Variants in AMPH observed in about 807,000 individuals in gnomAD.
AMPH encodes the protein amphiphysin.
AMPH carries 49 observed loss-of-function variants against 99.1 expected under a neutral mutation model. The observed-to-expected ratio is 0.49, with a 90% confidence interval of 0.39 to 0.63. The LOEUF is 0.63. AMPH is among the 20% of genes least tolerant of loss of function. The pLI is 0.00. For missense variants in AMPH, 759 were observed against 863.4 expected (o/e 0.88, Z 1.52); for synonymous variants, 314 against 317.3 (o/e 0.99, Z 0.11).
At position 38,556,763 on chromosome 7, in the gene AMPH, A is replaced by T. The variant is rs2129047624; in HGVS notation, c.70-21752T>A. 2.6e-5 allele frequency among the ~76,000 whole-genome samples: 4 copies of T among 152,254 alleles called. 1 individual carries two copies. The Middle Eastern group carries it at 0.01, about 388-fold the overall frequency. On this transcript the variant is annotated intron_variant, in intron 1 of 20. Coordinates refer to ENST00000356264, the MANE Select transcript of AMPH (RefSeq NM_001635.4). ...AATTCCACTGTAAGTTTCATGAGGG[A>T]AAGGGCTTTGTCTGGTATACCGCTA...
chr7:38,495,224 C>T (rs892772469), intron 3 of AMPH, among the ~76,000 whole-genome samples: 2 of 152,042 alleles, frequency 1.3e-5, no homozygotes, highest in Non-Finnish European at 2.9e-5. Context: ...AGTTAAGTTA[C>T]CAGGACATAT....
intron 5 of AMPH, among the ~76,000 whole-genome samples, chr7:38,487,792 T>C (rs901788264): frequency 5.3e-5 from 8 of 151,538 alleles, no homozygotes; most frequent in Non-Finnish European, 8.8e-5. Flanking sequence ...AGGGCTAATA[T>C]CCAGAATCTA....
intron 1 of AMPH, among the ~76,000 whole-genome samples, chr7:38,626,481 T>C (rs1423032077): frequency 6.6e-6 from 1 of 152,202 alleles, no homozygotes; most frequent in African/African-American, 2.4e-5. Context: ...CTCGGAAAAC[T>C]GGCTAGCCAT....
intron 1 of AMPH, among the ~76,000 whole-genome samples, chr7:38,624,204 A>ATATTGTATG (rs1284987677): frequency 6.6e-6 from 1 of 152,208 alleles, no homozygotes; most frequent in Non-Finnish European, 1.5e-5. Context: ...AATTCGCAAG[A>ATATTGTATG]TATTTGGTCC....
At chr7:38,446,817 TA>T (rs1001625460) in intron 11 of AMPH, among the ~76,000 whole-genome samples, 1 of 152,088 alleles carries the variant, frequency 6.6e-6, no homozygotes, top group East Asian at 1.9e-4. Flanking sequence ...CTAATAACAT[TA>T]AAAAAAATCT....
intron 1 of AMPH, among the ~76,000 whole-genome samples, chr7:38,609,271 G>A (rs935285644): frequency 6.6e-6 from 1 of 152,144 alleles, no homozygotes; most frequent in Non-Finnish European, 1.5e-5. Context: ...TGGTTTTGGA[G>A]AAACACAGGC....
chr7:38,554,428 C>A (rs1287425633), intron 1 of AMPH, among the ~76,000 whole-genome samples: 2 of 152,112 alleles, frequency 1.3e-5, no homozygotes, highest in African/African-American at 4.8e-5. Context: ...CAGCATTTAT[C>A]AAAATCCCTT....
intron 3 of AMPH, among the ~76,000 whole-genome samples, chr7:38,495,528 C>T (rs188159054): frequency 1.3e-5 from 2 of 151,730 alleles, no homozygotes; most frequent in Admixed American, 1.3e-4. Context: ...ATCTTTGGGA[C>T]GTGGGAGGAA....
chr7:38,612,084 C>CTTTTTTTTTT (rs777855014), intron 1 of AMPH, among the ~76,000 whole-genome samples: 22 of 90,854 alleles, frequency 2.4e-4, no homozygotes, highest in Non-Finnish European at 3.2e-4. Context: ...TTTTTGTCTT[C>CTTTTTTTTTT]TTCTTTTTTT....
chr7:38,480,291 T>C (rs1788239786), intron 5 of AMPH, among the ~76,000 whole-genome samples: 1 of 152,040 alleles, frequency 6.6e-6, no homozygotes, highest in Admixed American at 6.6e-5. Flanking sequence ...AGGAGTAGGG[T>C]GAGGCAGGTG....
At chr7:38,552,991 A>T (rs1213994875) in intron 1 of AMPH, among the ~76,000 whole-genome samples, 1 of 152,178 alleles carries the variant, frequency 6.6e-6, no homozygotes, top group Non-Finnish European at 1.5e-5. Flanking sequence ...TGCATTACCC[A>T]GGTTCCCTTG....
rs574657951 is a variant in AMPH, at chr7:38,469,140, C to A, written c.591-2892G>T. 2.7e-4 allele frequency among the ~76,000 whole-genome samples: 13 copies of A among 47,486 alleles called. 2 individuals carry two copies. The highest frequency in any genetic ancestry group is 1.4e-3 in the East Asian group (1 of 694). 31.2% of individuals were successfully genotyped at this position (47,486 alleles called of 152,430 possible). ...CTGCACTCCAGCCTGGGCGACAGAG[C>A]GAGACTCCGCCTCAAAAAAAAAAAA... On this transcript the variant is annotated intron_variant, in intron 7 of 20. Coordinates refer to ENST00000356264, the MANE Select transcript of AMPH (RefSeq NM_001635.4).
At chr7:38,570,426 G>A (rs1195027485) in intron 1 of AMPH, among the ~76,000 whole-genome samples, 1 of 152,082 alleles carries the variant, frequency 6.6e-6, no homozygotes, top group Non-Finnish European at 1.5e-5. Context: ...TTGTGTCAAA[G>A]ACAGATCAAA....
intron 11 of AMPH, among the ~76,000 whole-genome samples, chr7:38,441,770 G>GATAGATATCATATATCTATC (rs1786526695): frequency 5.8e-5 from 5 of 85,878 alleles, no homozygotes; most frequent in African/African-American, 2.3e-4. Context: ...TCATATATAT[G>GATAGATATCATATATCTATC]ATATATATCA....
intron 17 of AMPH, among the ~76,000 whole-genome samples, chr7:38,406,722 CTCCCTTTCCCTCTCTCTCTCTCTCTCTCT>C (rs1785002468): frequency 9.1e-6 from 1 of 109,770 alleles, no homozygotes; most frequent in Non-Finnish European, 1.9e-5. Context: ...TCCTCTCTCT[CTCCCTTTCCCTCTCTCTCTCTCTCTCTCT>C]CTCTCTCTCT....
intron 2 of AMPH, among the ~76,000 whole-genome samples, chr7:38,525,313 G>GAGAGAT: frequency 7.6e-6 from 1 of 132,398 alleles, no homozygotes; most frequent in African/African-American, 2.9e-5. Context: ...GAGAGAGAGA[G>GAGAGAT]GGAGCCTTTG....
chr7:38,608,480 A>G (rs1793512148), intron 1 of AMPH, among the ~76,000 whole-genome samples: 2 of 152,046 alleles, frequency 1.3e-5, no homozygotes, highest in South Asian at 4.2e-4. Context: ...TCTTCCTAAC[A>G]TACTATTTTG....
chr7:38,419,879 A>G (rs1215430845), intron 16 of AMPH, among the ~76,000 whole-genome samples: 2 of 152,240 alleles, frequency 1.3e-5, no homozygotes, highest in Non-Finnish European at 2.9e-5. Flanking sequence ...AAATGCAAAG[A>G]TATCTTAAAA....
chr7:38,576,439 C>A (rs1792248142), intron 1 of AMPH, among the ~76,000 whole-genome samples: 1 of 152,068 alleles, frequency 6.6e-6, no homozygotes, highest in Admixed American at 6.6e-5. Flanking sequence ...TAATGTATTG[C>A]TGCTCTATCT....
Sources: gnomAD v4.1 joint callset for allele counts (sites outside exome capture counted in the v4.1 genomes callset) on GRCh38, gnomAD v4.1.1 for gene constraint, MANE v1.5 for transcripts, NCBI Gene and HGNC (gene_info 2026-07-23, HGNC 2026-07-21) for gene names.